FAT3: variants seen among roughly 807,000 people sequenced by gnomAD.
FAT3 encodes FAT atypical cadherin 3.
Under a neutral mutation model 310.2 loss-of-function variants are expected in FAT3, and 95 were observed. The ratio of observed to expected loss-of-function variants is 0.31; its 90% CI spans 0.26 to 0.36. The LOEUF (loss-of-function observed/expected upper bound fraction) is 0.36. Among genes scored for constraint, FAT3 ranks in the 10% least tolerant of loss-of-function variants. The probability of loss-of-function intolerance (pLI) is 1.00; values close to 1 mark genes in which losing one functional copy is unlikely to be tolerated. For missense variants in FAT3, 5,408 were observed against 5,715.6 expected, an observed-to-expected ratio of 0.95 and a Z score of 1.74; for synonymous variants, 2,314 against 2,192.9, an observed-to-expected ratio of 1.06 and a Z score of -1.54.
At chr11:92,242,516 C>T (rs919773398) in intron 1 of FAT3, among the ~76,000 whole-genome samples, 1 of 151,800 alleles carries the variant, frequency 6.6e-6, no homozygotes, top group Non-Finnish European at 1.5e-5. Context: ...CATAAATGTT[C>T]TCAGGAGCCT....
At chr11:92,616,510 T>C (rs138797621) in intron 3 of FAT3, among the ~76,000 whole-genome samples, 1,705 of 152,292 alleles carry the variant, frequency 0.011, 19 homozygotes, top group Non-Finnish European at 0.018. Context: ...GTGAATTTGA[T>C]CCATCATTAT....
chr11:92,395,367 G>A (rs1008341935), intron 2 of FAT3, among the ~76,000 whole-genome samples: 9 of 152,120 alleles, frequency 5.9e-5, no homozygotes, highest in African/African-American at 2.2e-4. Flanking sequence ...GGTCTCTTCT[G>A]TACATGGCCA....
intron 2 of FAT3, among the ~76,000 whole-genome samples, chr11:92,448,329 T>C (rs745354763): frequency 4.6e-5 from 7 of 152,194 alleles, no homozygotes; most frequent in African/African-American, 1.2e-4. Flanking sequence ...TCTGAACTTA[T>C]GTGCATTTCT....
intron 4 of FAT3, among the ~76,000 whole-genome samples, chr11:92,749,473 A>G (rs965283621): frequency 1.6e-4 from 24 of 152,338 alleles, no homozygotes; most frequent in Middle Eastern, 3.4e-3. Flanking sequence ...CAGTTTCCTC[A>G]TCTGTAAAAC....
In FAT3 at chr11:92,799,910, A is replaced by G. The variant is rs777127423; in HGVS notation, c.6897A>G (p.Ala2299=). ...CATACAATACAACACTATCAGAAGC[A>G]TCTCTTATTGGGACACCTGTTTTAC... is the stretch of plus-strand genomic sequence containing the variant. ...QPTYNTTLSE[A]SLIGTPVLQV... Residue 2299 remains alanine, a synonymous_variant, in exon 10 of 28, where the codon GCA becomes GCG. Transcript: ENST00000525166. 23 of 1,612,812 alleles carry G rather than the reference A, an allele frequency of 1.4e-5. No homozygotes were observed. The East Asian group carries it at 4.9e-4, about 34-fold the overall frequency.
At chr11:92,808,197 G>A (rs1947562118) in intron 12 of FAT3, among the ~76,000 whole-genome samples, 1 of 152,168 alleles carries the variant, frequency 6.6e-6, no homozygotes, top group Non-Finnish European at 1.5e-5. Flanking sequence ...ATGCCCAGGG[G>A]ATATTGTAAT....
At chr11:92,875,013 GATA>G (rs1412290320) in intron 22 of FAT3, among the ~76,000 whole-genome samples, 2 of 151,956 alleles carry the variant, frequency 1.3e-5, no homozygotes, top group Non-Finnish European at 2.9e-5. Context: ...ACTAATGAAT[GATA>G]ATAATCATTA....
At chr11:92,599,766 G>T (rs1297087062) in intron 3 of FAT3, among the ~76,000 whole-genome samples, 1 of 152,186 alleles carries the variant, frequency 6.6e-6, no homozygotes, top group Non-Finnish European at 1.5e-5. Flanking sequence ...CCTCACCAGA[G>T]AGGAGGTACT....
chr11:92,558,510 A>G (rs1326637510), intron 3 of FAT3, among the ~76,000 whole-genome samples: 6 of 151,956 alleles, frequency 3.9e-5, no homozygotes, highest in Non-Finnish European at 7.4e-5. Flanking sequence ...AGGCTGTCCA[A>G]TTTATCTCTG....
At chr11:92,694,921 T>A (rs1348184006) in intron 3 of FAT3, among the ~76,000 whole-genome samples, 1 of 152,180 alleles carries the variant, frequency 6.6e-6, no homozygotes, top group East Asian at 1.9e-4. Flanking sequence ...ACATATGACC[T>A]TGTCCAATAG....
At chr11:92,748,476 CTCCT>C (rs1945737361) in intron 4 of FAT3, among the ~76,000 whole-genome samples, 1 of 152,056 alleles carries the variant, frequency 6.6e-6, no homozygotes, top group Admixed American at 6.6e-5. Flanking sequence ...CTCCTTTCTT[CTCCT>C]TCCTTCCTTT....
chr11:92,833,123 A>G (rs1948310666), intron 14 of FAT3, among the ~76,000 whole-genome samples: 1 of 152,226 alleles, frequency 6.6e-6, no homozygotes, highest in African/African-American at 2.4e-5. Flanking sequence ...CTAGAAAACA[A>G]GCTTGGATGT....
In FAT3 at chr11:92,626,441, AAG is replaced by A. The variant is rs573519094; in HGVS notation, c.3608-70942_3608-70941del. On this transcript the variant is annotated intron_variant, in intron 3 of 27. Coordinates refer to ENST00000525166, the MANE Select transcript of FAT3 (RefSeq NM_001367949.2). ...AAGACTATTTTTTTAGATCAAGAAA[AAG>A]GGAATTTGAAATTGGCGTAGCGTAT... Among the ~76,000 whole-genome samples the A allele has an allele frequency of 1.1e-4, 16 of 152,234 alleles. No individual in the cohort carries two copies. In the East Asian group the frequency reaches 3.1e-3, roughly 29 times the overall value.
At chr11:92,357,831 A>G (rs569181469) in intron 2 of FAT3, among the ~76,000 whole-genome samples, 2 of 152,154 alleles carry the variant, frequency 1.3e-5, no homozygotes, top group East Asian at 3.9e-4. Context: ...AAAGATACGT[A>G]TCTGCATTTG....
chr11:92,842,950 A>G lies in FAT3; in HGVS notation c.10567-984A>G, dbSNP rs568402810. Among the ~76,000 whole-genome samples the G allele has an allele frequency of 4.9e-4, 75 of 152,336 alleles. 1 individual carries two copies. Among genetic ancestry groups the G allele is most frequent in the Admixed American group, 9.8e-4 (15 of 15,306 alleles). ...GAAACATCAAGTACTAAGTGTGTCTATGGATTAGCCTTGGGTTTAGTGCTT... is the reference window on the plus strand; with the variant it reads ...GAAACATCAAGTACTAAGTGTGTCTGTGGATTAGCCTTGGGTTTAGTGCTT... On this transcript the variant is annotated intron_variant, in intron 18 of 27. Coordinates refer to ENST00000525166, the MANE Select transcript of FAT3 (RefSeq NM_001367949.2).
At chr11:92,765,342 A>T (rs1364624827) in intron 6 of FAT3, among the ~76,000 whole-genome samples, 1 of 152,128 alleles carries the variant, frequency 6.6e-6, no homozygotes, top group Non-Finnish European at 1.5e-5. Context: ...TGCAATCTTA[A>T]TGTCTTTCTG....
chr11:92,705,432 G>GTGATGGTGAC (rs1944257187), intron 4 of FAT3, among the ~76,000 whole-genome samples: 1 of 66,002 alleles, frequency 1.5e-5, no homozygotes, highest in Non-Finnish European at 3.4e-5. Context: ...TGGTGGTGGT[G>GTGATGGTGAC]GTGATGGTGG....
At chr11:92,815,125 G>T (rs1258409271) in intron 13 of FAT3, among the ~76,000 whole-genome samples, 1 of 152,170 alleles carries the variant, frequency 6.6e-6, no homozygotes, top group African/African-American at 2.4e-5. Flanking sequence ...TTTGAGAAAA[G>T]AAATAATGAA....
chr11:92,626,346 C>A (rs1036743962), intron 3 of FAT3, among the ~76,000 whole-genome samples: 3 of 152,108 alleles, frequency 2.0e-5, no homozygotes, highest in African/African-American at 7.2e-5. Flanking sequence ...TTAGAGATAA[C>A]CACCTGGGAC....
Sources: gnomAD v4.1 joint callset for allele counts (sites outside exome capture counted in the v4.1 genomes callset) on GRCh38, gnomAD v4.1.1 for gene constraint, MANE v1.5 for transcripts, NCBI Gene and HGNC (gene_info 2026-07-23, HGNC 2026-07-21) for gene names.